Variants in SCAMP1 observed in about 807,000 individuals in gnomAD.
The protein encoded by SCAMP1 is secretory carrier-associated membrane protein 1.
In SCAMP1, 15 loss-of-function variants were observed where a neutral mutation model predicts 41.8. The observed-to-expected ratio is 0.36, with a 90% CI of 0.24 to 0.55. The LOEUF is 0.55. SCAMP1 is among the 20% of genes least tolerant of loss of function. The pLI is 0.86. For missense variants in SCAMP1, 341 were observed against 412.6 expected, an observed-to-expected ratio of 0.83 and a Z score of 1.50; for synonymous variants, 135 against 136.8, an observed-to-expected ratio of 0.99 and a Z score of 0.09.
chr5:78,475,450 A>C, intron 8 of SCAMP1, 54 bp from the exon 9 acceptor site: 1 of 1,341,042 alleles, frequency 7.5e-7, no homozygotes, highest in Non-Finnish European at 1.0e-6. Context: ...GAGCTGCTGG[A>C]AATGAATGCG....
At position 78,435,247 on chromosome 5, in the gene SCAMP1, T is replaced by G. The variant is rs879380562; in HGVS notation, c.632+13287T>G. 6.6e-5 allele frequency among the ~76,000 whole-genome samples: 10 copies of G among 152,304 alleles called. No homozygotes were observed. The East Asian group carries it at 1.9e-3, about 29-fold the overall frequency. On this transcript the variant is annotated intron_variant, in intron 6 of 8. Transcript: ENST00000621999. ...CAATATGAAGGTTTTTTTTAATTTT[T>G]TATTATACTTTAAGTTCTAGGGTAC...
chr5:78,432,531 C>T (rs1752649521), intron 6 of SCAMP1, among the ~76,000 whole-genome samples: 1 of 152,038 alleles, frequency 6.6e-6, no homozygotes. Flanking sequence ...ACATCATTTT[C>T]ATCCGTTCTG....
chr5:78,410,966 C>A (rs1436914210), intron 2 of SCAMP1, among the ~76,000 whole-genome samples: 1 of 151,922 alleles, frequency 6.6e-6, no homozygotes, highest in Non-Finnish European at 1.5e-5. Context: ...CTGTTCATGT[C>A]CTTTGCCTGC....
intron 1 of SCAMP1, among the ~76,000 whole-genome samples, chr5:78,385,723 G>A (rs1360344936): frequency 6.6e-6 from 1 of 152,018 alleles, no homozygotes; most frequent in East Asian, 1.9e-4. Flanking sequence ...TTCAGGAGCA[G>A]GTTATTTAAT....
intron 1 of SCAMP1, among the ~76,000 whole-genome samples, chr5:78,364,417 G>A (rs1232734830): frequency 2.6e-5 from 4 of 152,148 alleles, no homozygotes; most frequent in Non-Finnish European, 4.4e-5. Context: ...AATATGAAGA[G>A]AATTAGAATT....
chr5:78,416,331 T>G (rs969876793), intron 3 of SCAMP1, among the ~76,000 whole-genome samples: 1 of 152,184 alleles, frequency 6.6e-6, no homozygotes, highest in Admixed American at 6.5e-5. Flanking sequence ...GACCCAACAT[T>G]CCCACTGAGA....
At chr5:78,472,900 G>C (rs1753919513) in intron 8 of SCAMP1, among the ~76,000 whole-genome samples, 1 of 152,108 alleles carries the variant, frequency 6.6e-6, no homozygotes. Flanking sequence ...GAGGGGAAGA[G>C]ACAGACAAGT....
rs1402414915 is a variant in SCAMP1 at position 78,460,763 on chromosome 5, T to C, written c.852+1401T>C. ...TTTTCTCCTTCCTTCCTTCCTTCCTTCCTTCCTTCCTTCCTTCCTTCCTTC... is the reference window on the plus strand; with the variant it reads ...TTTTCTCCTTCCTTCCTTCCTTCCTCCCTTCCTTCCTTCCTTCCTTCCTTC... On this transcript the variant is annotated intron_variant, in intron 8 of 8. Coordinates refer to ENST00000621999, the MANE Select transcript of SCAMP1 (RefSeq NM_004866.6). Among the ~76,000 whole-genome samples, 23 of 37,336 alleles carry C rather than the reference T, an allele frequency of 6.2e-4. 1 individual carries two copies. The highest frequency in any genetic ancestry group is 4.0e-3 in the African/African-American group (22 of 5,568). 24.5% of individuals were successfully genotyped at this position (37,336 alleles called of 152,430 possible). A position where few individuals can be genotyped will look rare whatever the true frequency, so the allele number is the denominator to read the frequency against.
intron 6 of SCAMP1, among the ~76,000 whole-genome samples, chr5:78,449,695 GTT>G (rs1427505511): frequency 6.6e-6 from 1 of 152,166 alleles, no homozygotes; most frequent in Non-Finnish European, 1.5e-5. Flanking sequence ...GAAATTGAAA[GTT>G]TGTCCTTGTG....
At position 78,369,735 on chromosome 5, in the gene SCAMP1, C is replaced by T. The variant is rs996401088; in HGVS notation, c.57+9007C>T. Among the ~76,000 whole-genome samples the T allele has an allele frequency of 5.9e-5, 9 of 152,278 alleles. No individual in the cohort carries two copies. The East Asian group carries it at 7.7e-4, about 13-fold the overall frequency. On this transcript the variant is annotated intron_variant, in intron 1 of 8. Coordinates refer to ENST00000621999, the MANE Select transcript of SCAMP1 (RefSeq NM_004866.6). ...CTGCATTTTCTCTGTTCTAATATAT[C>T]GACCATATTGGATATTGGAATTAAG...
intron 8 of SCAMP1, among the ~76,000 whole-genome samples, chr5:78,462,571 G>A (rs1020453745): frequency 6.6e-6 from 1 of 152,072 alleles, no homozygotes; most frequent in South Asian, 2.1e-4. Context: ...TGATCTACTT[G>A]CCTTGGCCTC....
chr5:78,438,126 A>T (rs112728139), intron 6 of SCAMP1, among the ~76,000 whole-genome samples: 4,946 of 152,184 alleles, frequency 0.033, 250 homozygotes, highest in African/African-American at 0.11. Flanking sequence ...CAGTCTTGCT[A>T]GCAGTCTGTC....
intron 6 of SCAMP1, among the ~76,000 whole-genome samples, chr5:78,443,393 A>G (rs1274584777): frequency 2.6e-5 from 4 of 152,166 alleles, no homozygotes; most frequent in Non-Finnish European, 5.9e-5. Flanking sequence ...TGAATGGGCA[A>G]TACATGTGTT....
chr5:78,416,568 C>G lies in SCAMP1; in HGVS notation c.262C>G (p.Leu88Val). 6.3e-7 allele frequency: 1 copy of G among 1,598,286 alleles called. No homozygotes were observed. Among genetic ancestry groups the G allele is most frequent in the South Asian group, 1.1e-5 (1 of 87,784 alleles). ...ACATGCATTGGCCCAAGCTGAACTT[C>G]TTAAGCGCCAGGAAGAACTAGAAAG... The part of the protein sequence containing the change: ...KEHALAQAEL[L>V]KRQEELERKA... Residue 88 changes from leucine (L) to valine (V), a missense_variant, in exon 4 of 9, where the codon CTT becomes GTT. Transcript: ENST00000621999.
At chr5:78,399,120 G>A (rs1279172832) in intron 2 of SCAMP1, among the ~76,000 whole-genome samples, 1 of 152,054 alleles carries the variant, frequency 6.6e-6, no homozygotes, top group Non-Finnish European at 1.5e-5. Context: ...GCATAATAAG[G>A]TTCCTCTGTC....
At chr5:78,373,503 C>T (rs539107160) in intron 1 of SCAMP1, among the ~76,000 whole-genome samples, 1 of 152,066 alleles carries the variant, frequency 6.6e-6, no homozygotes. Context: ...AATTACACCT[C>T]TATTTTTTAA....
chr5:78,459,936 G>A (rs1483112957), intron 8 of SCAMP1, among the ~76,000 whole-genome samples: 1 of 152,004 alleles, frequency 6.6e-6, no homozygotes, highest in Non-Finnish European at 1.5e-5. Flanking sequence ...TGGGTCCCCG[G>A]TGTCTGTTTC....
intron 8 of SCAMP1, among the ~76,000 whole-genome samples, chr5:78,464,281 T>G (rs1753687642): frequency 6.6e-6 from 1 of 152,104 alleles, no homozygotes; most frequent in African/African-American, 2.4e-5. Context: ...GTAGCTGGGA[T>G]TACAGGCATG....
At chr5:78,400,034 G>T (rs559956680) in intron 2 of SCAMP1, among the ~76,000 whole-genome samples, 1 of 152,128 alleles carries the variant, frequency 6.6e-6, no homozygotes, top group Non-Finnish European at 1.5e-5. Context: ...AAGGAATTCT[G>T]CCTTGGCCTC....
Sources: allele counts gnomAD v4.1 joint callset (sites outside exome capture counted in the v4.1 genomes callset), GRCh38; gene constraint gnomAD v4.1.1; transcripts MANE v1.5; gene names NCBI Gene and HGNC (gene_info 2026-07-23, HGNC 2026-07-21).